ROBO2: variants seen among roughly 807,000 people sequenced by gnomAD.
The protein encoded by ROBO2 is roundabout guidance receptor 2.
Under a neutral mutation model 160.8 loss-of-function variants are expected in ROBO2, and 53 were observed. The ratio of observed to expected loss-of-function variants is 0.33; its 90% CI spans 0.26 to 0.41. The LOEUF (loss-of-function observed/expected upper bound fraction) is 0.41. Ranked by LOEUF, ROBO2 falls within the 10% of genes least tolerant of loss-of-function variation. The probability of loss-of-function intolerance (pLI) is 1.00; values close to 1 mark genes in which losing one functional copy is unlikely to be tolerated. For synonymous variants in ROBO2, 664 were observed against 611.7 expected (o/e 1.09, Z -1.26); for missense variants, 1,577 against 1,722.4 (o/e 0.92, Z 1.49).
At chr3:77,611,854 A>T (rs1431842744) in intron 21 of ROBO2, among the ~76,000 whole-genome samples, 1 of 152,196 alleles carries the variant, frequency 6.6e-6, no homozygotes, top group African/African-American at 2.4e-5. Flanking sequence ...AAATGTATTA[A>T]TCCCTAGCTA....
intron 2 of ROBO2, among the ~76,000 whole-genome samples, chr3:76,340,085 C>CA (rs5850251): frequency 0.1 from 15,010 of 144,394 alleles, 908 homozygotes; most frequent in African/African-American, 0.17. Flanking sequence ...GAACCAATTG[C>CA]AAAAAAAAAA....
chr3:76,293,109 G>C (rs1708889077), intron 2 of ROBO2, among the ~76,000 whole-genome samples: 1 of 152,078 alleles, frequency 6.6e-6, no homozygotes, highest in Non-Finnish European at 1.5e-5. Context: ...TCGGTCATCA[G>C]AGAAAAGGAA....
chr3:77,241,898 C>T (rs2089101356), intron 2 of ROBO2, among the ~76,000 whole-genome samples: 1 of 152,104 alleles, frequency 6.6e-6, no homozygotes, highest in Admixed American at 6.6e-5. Flanking sequence ...AATCAAAAGT[C>T]GGAAGCTTTG....
chr3:76,866,998 C>T (rs2071441374), intron 2 of ROBO2, among the ~76,000 whole-genome samples: 1 of 152,090 alleles, frequency 6.6e-6, no homozygotes, highest in Admixed American at 6.6e-5. Context: ...ATGCAGTGAA[C>T]CATCTGACAA....
At position 77,294,206 on chromosome 3, in the gene ROBO2, A is replaced by G. The variant is rs1247483024; in HGVS notation, c.389-183208A>G. ...CAGATGTGAAGTAAAATTGACGGCT[A>G]AAAGGGTAAGCTGAGACTAGATCAC... is the stretch of plus-strand genomic sequence containing the variant. On this transcript the variant is annotated intron_variant, in intron 2 of 25. Transcript: ENST00000461745. 3.4e-4 allele frequency among the ~76,000 whole-genome samples: 48 copies of G among 143,068 alleles called. 4 individuals are homozygous for G. Among genetic ancestry groups the G allele is most frequent in the Non-Finnish European group, 7.0e-4 (46 of 65,940 alleles). 93.9% of individuals were successfully genotyped at this position (143,068 alleles called of 152,430 possible).
At chr3:76,790,301 C>A (rs187888993) in intron 2 of ROBO2, among the ~76,000 whole-genome samples, 148 of 151,660 alleles carry the variant, frequency 9.8e-4, no homozygotes, top group African/African-American at 3.4e-3. Flanking sequence ...GCTTTTAGGA[C>A]AATTATAGGA....
At chr3:76,347,103 G>C (rs2074578905) in intron 2 of ROBO2, among the ~76,000 whole-genome samples, 1 of 152,128 alleles carries the variant, frequency 6.6e-6, no homozygotes, top group African/African-American at 2.4e-5. Flanking sequence ...TCCTTGCTGG[G>C]AATTAGATTT....
chr3:77,253,445 C>T (rs556085257), intron 2 of ROBO2, among the ~76,000 whole-genome samples: 1 of 152,098 alleles, frequency 6.6e-6, no homozygotes, highest in African/African-American at 2.4e-5. Flanking sequence ...GTTTAATATT[C>T]ACTAAAAGCT....
intron 2 of ROBO2, among the ~76,000 whole-genome samples, chr3:76,928,752 T>C (rs929171368): frequency 1.6e-4 from 24 of 152,200 alleles, no homozygotes; most frequent in Non-Finnish European, 3.4e-4. Context: ...TGTTAGTCTC[T>C]CCTCAACTCC....
At chr3:76,530,494 A>G (rs147941175) in intron 2 of ROBO2, among the ~76,000 whole-genome samples, 94 of 152,286 alleles carry the variant, frequency 6.2e-4, no homozygotes, top group African/African-American at 2.1e-3. Flanking sequence ...ACAACATCCT[A>G]TATCATACCA....
At chr3:76,181,354 A>G (rs1187965654) in intron 2 of ROBO2, among the ~76,000 whole-genome samples, 1 of 151,638 alleles carries the variant, frequency 6.6e-6, no homozygotes, top group African/African-American at 2.4e-5. Context: ...AATATATCTA[A>G]GAATATGTCT....
chr3:76,472,096 TGTGTGC>T (rs377046342), intron 2 of ROBO2, among the ~76,000 whole-genome samples: 3,489 of 116,994 alleles, frequency 0.03, 135 homozygotes, highest in African/African-American at 0.097. Context: ...TGTGTGTGTG[TGTGTGC>T]GCGTGTGCGT....
At chr3:75,919,638 A>G (rs1317738003) in intron 1 of ROBO2, among the ~76,000 whole-genome samples, 1 of 152,220 alleles carries the variant, frequency 6.6e-6, no homozygotes, top group East Asian at 1.9e-4. Context: ...TACCTCTCGT[A>G]GAACTTGGCT....
intron 2 of ROBO2, among the ~76,000 whole-genome samples, chr3:76,940,032 G>A (rs939036591): frequency 2.8e-5 from 4 of 145,002 alleles, no homozygotes; most frequent in Non-Finnish European, 5.9e-5. Flanking sequence ...CCCAGGCTGG[G>A]GTGCGGTGGC....
intron 2 of ROBO2, among the ~76,000 whole-genome samples, chr3:76,638,568 G>A (rs2090462935): frequency 6.6e-6 from 1 of 152,044 alleles, no homozygotes; most frequent in South Asian, 2.1e-4. Flanking sequence ...AATTCAGAAT[G>A]TTTATTTTTT....
chr3:77,252,348 A>G (rs753958547), intron 2 of ROBO2, among the ~76,000 whole-genome samples: 16 of 152,150 alleles, frequency 1.1e-4, no homozygotes, highest in African/African-American at 3.9e-4. Context: ...GGCTTTCCCT[A>G]TATCTCTTAT....
chr3:77,593,520 G>C (rs1007884373), intron 17 of ROBO2, among the ~76,000 whole-genome samples: 3 of 152,086 alleles, frequency 2.0e-5, no homozygotes, highest in Non-Finnish European at 4.4e-5. Flanking sequence ...GTTTTGCAAT[G>C]CATTTGAGAT....
At chr3:77,544,649 C>A (rs1031087425) in intron 6 of ROBO2, among the ~76,000 whole-genome samples, 14 of 152,120 alleles carry the variant, frequency 9.2e-5, no homozygotes, top group African/African-American at 3.1e-4. Context: ...CATTCTTGGA[C>A]CTGCACTTCT....
At chr3:76,120,450 G>A (rs1195230834) in intron 2 of ROBO2, among the ~76,000 whole-genome samples, 1 of 152,188 alleles carries the variant, frequency 6.6e-6, no homozygotes, top group East Asian at 1.9e-4. Context: ...GCACATGACT[G>A]TTCTTTAATA....
Sources: gnomAD v4.1 joint callset for allele counts (sites outside exome capture counted in the v4.1 genomes callset) on GRCh38, gnomAD v4.1.1 for gene constraint, MANE v1.5 for transcripts, NCBI Gene and HGNC (gene_info 2026-07-23, HGNC 2026-07-21) for gene names.